CXADR: variants seen among roughly 807,000 people sequenced by gnomAD.
CXADR encodes the protein CXADR cell adhesion molecule, also known as coxsackievirus and adenovirus receptor.
A neutral mutation model predicts 40.3 loss-of-function variants in CXADR; 20 were observed. The observed-to-expected ratio is 0.50, with a 90% CI of 0.35 to 0.72. The LOEUF (loss-of-function observed/expected upper bound fraction) is 0.72, where lower values mean the gene tolerates loss of function less well. Among genes scored for constraint, CXADR ranks in the 30% least tolerant of loss-of-function variants. CXADR has a pLI of 0.01. For missense variants in CXADR, 332 were observed against 449.1 expected (o/e 0.74, Z 2.36); for synonymous variants, 150 against 161.3 (o/e 0.93, Z 0.53).
chr21:17,595,818 G>C (rs116207731), downstream of CXADR, among the ~76,000 whole-genome samples: 727 of 152,120 alleles, frequency 4.8e-3, 6 homozygotes, highest in African/African-American at 0.017. Flanking sequence ...GAGTGGAACT[G>C]CTGAGTAATA....
At chr21:17,521,330 A>G (rs1381043552) in intron 1 of CXADR, among the ~76,000 whole-genome samples, 1 of 151,894 alleles carries the variant, frequency 6.6e-6, no homozygotes, top group East Asian at 1.9e-4. Flanking sequence ...TATTATTATT[A>G]TTATTATTTT....
chr21:17,614,960 A>G, the CXADR span, among the ~76,000 whole-genome samples: 1 of 152,164 alleles, frequency 6.6e-6, no homozygotes, highest in Non-Finnish European at 1.5e-5. Context: ...ATGAATTGGT[A>G]TGGCAAGGCA....
the CXADR span, chr21:17,613,705 A>G: frequency 1.3e-5 from 2 of 152,258 alleles, no homozygotes; most frequent in African/African-American, 4.8e-5. Flanking sequence ...AGCAAATACA[A>G]ATATGGAGAG....
intron 7 of CXADR, among the ~76,000 whole-genome samples, chr21:17,588,242 TTAAAG>T (rs2061411427): frequency 6.6e-6 from 1 of 152,180 alleles, no homozygotes; most frequent in African/African-American, 2.4e-5. Flanking sequence ...CATATGAACT[TTAAAG>T]TAGTTTTTTC....
chr21:17,515,574 G>T (rs1183966763), intron 1 of CXADR, among the ~76,000 whole-genome samples: 1 of 152,224 alleles, frequency 6.6e-6, no homozygotes, highest in Admixed American at 6.5e-5. Flanking sequence ...CACTTTGGGA[G>T]GCCGAGGCGG....
At chr21:17,556,190 C>T (rs557542699) in intron 3 of CXADR, among the ~76,000 whole-genome samples, 3 of 152,288 alleles carry the variant, frequency 2.0e-5, no homozygotes, top group Admixed American at 6.5e-5. Context: ...AGACTTTATT[C>T]GTGCTCTCTT....
chr21:17,568,683 A>G lies in CXADR; in HGVS notation c.*2991A>G. ...TGGGATTACAGGTGTGAGCCGCAGC[A>G]TCCAGCCAGTTCTGTACTTTGAATA... On this transcript the variant is annotated 3_prime_UTR_variant, in exon 7 of 7. Coordinates refer to ENST00000284878, the MANE Select transcript of CXADR (RefSeq NM_001338.5). The G allele has an allele frequency of 1.0e-6, 1 of 984,890 alleles. No homozygotes were observed. Among genetic ancestry groups the G allele is most frequent in the Non-Finnish European group, 1.2e-6 (1 of 829,876 alleles). The allele number at this position is 984,890 out of a possible 1,614,324, so 61.0% of individuals were successfully genotyped here.
rs1491548660 is a variant in CXADR, at chr21:17,559,668, G to GTT, written c.571+537_571+538insTT. 5.2e-4 allele frequency among the ~76,000 whole-genome samples: 55 copies of GTT among 106,208 alleles called. 2 individuals carry two copies. The highest frequency in any genetic ancestry group is 5.8e-4 in the South Asian group (2 of 3,454). 69.7% of individuals were successfully genotyped at this position (106,208 alleles called of 152,430 possible). ...TTAGTTACTTTGGTACTTTTTTTTG[G>GTT]GTTTTTTTTTTTTTTTTTTTTTTCC... On this transcript the variant is annotated intron_variant, in intron 4 of 6. Transcript: ENST00000284878.
chr21:17,619,504 G>T, the CXADR span, among the ~76,000 whole-genome samples: 1 of 151,914 alleles, frequency 6.6e-6, no homozygotes, highest in Non-Finnish European at 1.5e-5. Context: ...CAGGAGAATC[G>T]CTTGAGCCTG....
At position 17,522,335 on chromosome 21, in the gene CXADR, C is replaced by T. The variant is rs558876422; in HGVS notation, c.43+9163C>T. On this transcript the variant is annotated intron_variant, in intron 1 of 6. Transcript: ENST00000284878. Reference sequence around the variant, plus strand: ...GGGTAATTTTGTATTTTTAGTAGAGCGGGGGTTTCTCCATGTTAGTCAGGC... The same window carrying T: ...GGGTAATTTTGTATTTTTAGTAGAGTGGGGGTTTCTCCATGTTAGTCAGGC... Among the ~76,000 whole-genome samples the T allele has an allele frequency of 5.3e-3, 798 of 151,884 alleles. 8 individuals are homozygous for T. The highest frequency in any genetic ancestry group is 0.019 in the African/African-American group (771 of 41,420).
chr21:17,584,190 C>T (rs28490905), intron 7 of CXADR, among the ~76,000 whole-genome samples: 10,538 of 152,192 alleles, frequency 0.069, 420 homozygotes, highest in Middle Eastern at 0.11. Flanking sequence ...CCTGGCTCAG[C>T]CACTGAACAA....
At chr21:17,593,223 G>T (rs559691783) in exon 8 of CXADR, 2 of 1,391,196 alleles carry the variant, frequency 1.4e-6, no homozygotes, top group African/African-American at 3.0e-5. Flanking sequence ...CTGAAGTATT[G>T]TATTATTTGA....
chr21:17,602,678 G>GAA, the CXADR span, among the ~76,000 whole-genome samples: 1 of 152,224 alleles, frequency 6.6e-6, no homozygotes, highest in African/African-American at 2.4e-5. Flanking sequence ...ATATAAATTA[G>GAA]AAGCCTACTG....
At chr21:17,600,935 G>A in the CXADR span, among the ~76,000 whole-genome samples, 2 of 151,120 alleles carry the variant, frequency 1.3e-5, no homozygotes, top group Non-Finnish European at 3.0e-5. Flanking sequence ...AGGCCAAGGC[G>A]GGTGGATCAT....
At chr21:17,515,808 A>C (rs78549236) in intron 1 of CXADR, among the ~76,000 whole-genome samples, 6,979 of 152,300 alleles carry the variant, frequency 0.046, 536 homozygotes, top group African/African-American at 0.16. Flanking sequence ...TCCGTCTCTG[A>C]AACAAATAAA....
chr21:17,596,801 A>G (rs564610354), downstream of CXADR, among the ~76,000 whole-genome samples: 1 of 152,180 alleles, frequency 6.6e-6, no homozygotes, highest in South Asian at 2.1e-4. Context: ...ATTGATACTG[A>G]ATTGGATCTA....
At chr21:17,555,796 G>T (rs1454309505) in intron 3 of CXADR, among the ~76,000 whole-genome samples, 1 of 152,126 alleles carries the variant, frequency 6.6e-6, no homozygotes, top group East Asian at 1.9e-4. Context: ...ATGCAGATAT[G>T]TTATTTCTTA....
the CXADR span, among the ~76,000 whole-genome samples, chr21:17,615,522 CAG>C: frequency 3.3e-4 from 50 of 152,230 alleles, 1 homozygote; most frequent in Admixed American, 1.1e-3. Flanking sequence ...ATTATAATAA[CAG>C]AACAATTATT....
the CXADR span, among the ~76,000 whole-genome samples, chr21:17,607,762 T>C: frequency 1.9e-4 from 29 of 152,224 alleles, no homozygotes; most frequent in African/African-American, 6.5e-4. Context: ...GTTATCACTA[T>C]AGTCACTGTT....
Sources: allele counts gnomAD v4.1 joint callset (sites outside exome capture counted in the v4.1 genomes callset), GRCh38; gene constraint gnomAD v4.1.1; transcripts MANE v1.5; gene names NCBI Gene and HGNC (gene_info 2026-07-23, HGNC 2026-07-21).